Variants in IGF1R observed in about 807,000 individuals in gnomAD.
IGF1R encodes insulin-like growth factor 1 receptor.
Under a neutral mutation model 144.6 loss-of-function variants are expected in IGF1R, and 44 were observed. The ratio of observed to expected loss-of-function variants is 0.30; its 90% CI spans 0.24 to 0.39. IGF1R has a LOEUF of 0.39. Among genes scored for constraint, IGF1R ranks in the 10% least tolerant of loss-of-function variants. The pLI, the probability that IGF1R is intolerant of heterozygous loss-of-function variation, is 1.00. For missense variants in IGF1R, 1,355 were observed against 1,833.7 expected, an observed-to-expected ratio of 0.74 and a Z score of 4.77; for synonymous variants, 795 against 722.8, an observed-to-expected ratio of 1.10 and a Z score of -1.60.
intron 1 of IGF1R, among the ~76,000 whole-genome samples, chr15:98,679,357 T>C (rs978052662): frequency 2.0e-5 from 3 of 152,210 alleles, no homozygotes; most frequent in Non-Finnish European, 2.9e-5. Flanking sequence ...TCTCTTAATC[T>C]TGATTAGATC....
In IGF1R at chr15:98,961,312, G is replaced by A. The variant is rs1596500452; in HGVS notation, c.*3870G>A. On this transcript the variant is annotated 3_prime_UTR_variant, in exon 21 of 21. Coordinates refer to ENST00000650285, the MANE Select transcript of IGF1R (RefSeq NM_000875.5). ...TGTTTAAACTGTCCGAGTTACTGATGTCATTTTGTTTTTGTTTTATGTAGG... is the reference window on the plus strand; with the variant it reads ...TGTTTAAACTGTCCGAGTTACTGATATCATTTTGTTTTTGTTTTATGTAGG... The A allele has an allele frequency of 4.3e-6, 1 of 233,384 alleles. No individual in the cohort carries two copies. Among genetic ancestry groups the A allele is most frequent in the Non-Finnish European group, 8.5e-6 (1 of 117,930 alleles). 14.5% of individuals were successfully genotyped at this position (233,384 alleles called of 1,614,324 possible). A position where few individuals can be genotyped will look rare whatever the true frequency, so the allele number is the denominator to read the frequency against.
At chr15:98,787,909 G>T (rs1355355959) in intron 2 of IGF1R, among the ~76,000 whole-genome samples, 2 of 152,074 alleles carry the variant, frequency 1.3e-5, no homozygotes, top group Non-Finnish European at 2.9e-5. Context: ...ATTTGGAGAG[G>T]GAAAGGGAGA....
At chr15:98,716,690 C>G (rs1253025247) in intron 2 of IGF1R, among the ~76,000 whole-genome samples, 1 of 152,056 alleles carries the variant, frequency 6.6e-6, no homozygotes, top group Non-Finnish European at 1.5e-5. Context: ...CAGAACAGTC[C>G]TTGGAGCTTG....
intron 1 of IGF1R, among the ~76,000 whole-genome samples, chr15:98,692,805 T>C (rs2141234798): frequency 6.6e-6 from 1 of 152,190 alleles, no homozygotes; most frequent in South Asian, 2.1e-4. Flanking sequence ...ACCTGATACA[T>C]TGGTAAGAGC....
chr15:98,897,716 C>T (rs577360375), intron 4 of IGF1R, among the ~76,000 whole-genome samples: 1 of 152,324 alleles, frequency 6.6e-6, no homozygotes, highest in Admixed American at 6.5e-5. Context: ...GCTGGGACCA[C>T]AGGCACACAC....
intron 1 of IGF1R, among the ~76,000 whole-genome samples, chr15:98,669,766 T>C (rs961794223): frequency 1.3e-5 from 2 of 152,196 alleles, no homozygotes; most frequent in African/African-American, 4.8e-5. Context: ...CCCCGTGTTC[T>C]AGCTTCCCGT....
intron 2 of IGF1R, among the ~76,000 whole-genome samples, chr15:98,782,198 TA>T (rs1216734440): frequency 6.6e-6 from 1 of 152,142 alleles, no homozygotes; most frequent in Non-Finnish European, 1.5e-5. Flanking sequence ...TAGACACTTT[TA>T]AAGAAGAAAC....
At chr15:98,752,028 G>T (rs1402742548) in intron 2 of IGF1R, among the ~76,000 whole-genome samples, 1 of 152,108 alleles carries the variant, frequency 6.6e-6, no homozygotes, top group African/African-American at 2.4e-5. Context: ...AGGGCATCAG[G>T]CTGTCTTCCT....
intron 19 of IGF1R, among the ~76,000 whole-genome samples, chr15:98,943,988 G>A (rs759733395): frequency 3.9e-5 from 6 of 152,176 alleles, no homozygotes; most frequent in Non-Finnish European, 7.3e-5. Flanking sequence ...GGCAAAGCAT[G>A]ATTGCTTCTT....
rs1596493678 is a variant in IGF1R at position 98,957,255 on chromosome 15, A to C, written c.3917A>C (p.Asp1306Ala). ...EPENMESVPL[D>A]PSASSSSLPL... is the part of the protein sequence containing the mutation. Reference sequence around the variant, plus strand: ...GAGAACATGGAGAGCGTCCCCCTGGACCCCTCGGCCTCCTCGTCCTCCCTG... The same window carrying C: ...GAGAACATGGAGAGCGTCCCCCTGGCCCCCTCGGCCTCCTCGTCCTCCCTG... The change falls in exon 21 of 21, where the codon GAC (aspartate) becomes GCC (alanine). Residue 1306 changes from aspartate to alanine, a missense_variant. Transcript: ENST00000650285. The C allele has an allele frequency of 6.2e-7, 1 of 1,613,900 alleles. No homozygotes were observed. The highest frequency in any genetic ancestry group is 8.5e-7 in the Non-Finnish European group (1 of 1,179,974).
rs2017163426 is a variant in IGF1R at position 98,960,036 on chromosome 15, GGTTTT to G, written c.*2595_*2599del. 4.3e-6 allele frequency: 1 copy of G among 233,102 alleles called. No homozygotes were observed. 14.4% of individuals were successfully genotyped at this position (233,102 alleles called of 1,614,324 possible). On this transcript the variant is annotated 3_prime_UTR_variant, in exon 21 of 21. Transcript: ENST00000650285. ...TGATGGGACAGTTCTTGATTTTTTG[GGTTTT>G]TTTTCCCCCAAACATTTATCTACCT...
At position 98,649,562 on chromosome 15, in the gene IGF1R, T is replaced by C. The variant is rs1314766977; in HGVS notation, c.-20T>C. On this transcript the variant is annotated 5_prime_UTR_variant, in exon 1 of 21. Coordinates refer to ENST00000650285, the MANE Select transcript of IGF1R (RefSeq NM_000875.5). ...TTTTTTTTTTTTTGAGAAAGGGGAA[T>C]TTCATCCCAAATAAAAGGAATGAAG... The C allele has an allele frequency of 2.5e-6, 3 of 1,183,250 alleles. No homozygotes were observed. The highest frequency in any genetic ancestry group is 1.3e-5 in the South Asian group (1 of 79,798). The allele number at this position is 1,183,250 out of a possible 1,614,324, so 73.3% of individuals were successfully genotyped here.
chr15:98,880,375 T>A (rs2013309346), intron 2 of IGF1R, among the ~76,000 whole-genome samples: 1 of 152,202 alleles, frequency 6.6e-6, no homozygotes, highest in South Asian at 2.1e-4. Context: ...TTTGTGGTGT[T>A]TGCTTGTTTT....
At position 98,935,107 on chromosome 15, in the gene IGF1R, C is replaced by G. The variant is rs753544398; in HGVS notation, c.3186+54C>G. The G allele has an allele frequency of 9.9e-6, 14 of 1,407,644 alleles. No homozygotes were observed. Among genetic ancestry groups the G allele is most frequent in the Non-Finnish European group, 1.2e-5 (12 of 995,130 alleles). The allele number at this position is 1,407,644 out of a possible 1,614,324, so 87.2% of individuals were successfully genotyped here. On this transcript the variant is annotated intron_variant, in intron 16 of 20. Transcript: ENST00000650285. The surrounding 1 kb of genome is among the most constrained non-coding windows in gnomAD (Gnocchi z 4.2). ...TGCAGCACAGGGAGAGGGTATCACA[C>G]AAGCCTCCCAGTATGTTCTTGGCTG...
intron 13 of IGF1R, among the ~76,000 whole-genome samples, chr15:98,925,354 G>A (rs192913260): frequency 2.3e-4 from 35 of 152,310 alleles, no homozygotes; most frequent in Admixed American, 9.1e-4. Flanking sequence ...ATGTATAAGC[G>A]CAACAAGGGC....
chr15:98,708,168 A>AGTG (rs2053910960), intron 2 of IGF1R, 61 bp downstream of exon 2: 1 of 1,419,028 alleles, frequency 7.0e-7, no homozygotes, highest in African/African-American at 1.4e-5. Flanking sequence ...CTCCTCCTTG[A>AGTG]CCTCCCTTCT....
intron 2 of IGF1R, among the ~76,000 whole-genome samples, chr15:98,802,782 G>C (rs1276696969): frequency 6.6e-6 from 1 of 152,156 alleles, no homozygotes; most frequent in Non-Finnish European, 1.5e-5. Flanking sequence ...TATATTAGCG[G>C]TCTTAAGTGA....
At chr15:98,662,292 T>C (rs887889933) in intron 1 of IGF1R, among the ~76,000 whole-genome samples, 6 of 152,032 alleles carry the variant, frequency 3.9e-5, no homozygotes, top group African/African-American at 1.4e-4. Context: ...AGGAGGGTCT[T>C]TTTTTGCACA....
intron 1 of IGF1R, among the ~76,000 whole-genome samples, chr15:98,661,120 G>T (rs1262042318): frequency 6.6e-6 from 1 of 152,180 alleles, no homozygotes; most frequent in Non-Finnish European, 1.5e-5. Context: ...GTTGGAACAA[G>T]CAGAATCACC....
Sources: gnomAD v4.1 joint callset for allele counts (sites outside exome capture counted in the v4.1 genomes callset) on GRCh38, gnomAD v4.1.1 for gene constraint, Gnocchi (gnomAD v3.1) non-coding constraint, MANE v1.5 for transcripts, NCBI Gene and HGNC (gene_info 2026-07-23, HGNC 2026-07-21) for gene names.